The following ROBO1 variants were observed in gnomAD, a reference collection of about 807,000 sequenced individuals.
ROBO1 encodes roundabout guidance receptor 1.
Under a neutral mutation model 195.9 loss-of-function variants are expected in ROBO1, and 149 were observed. The observed-to-expected ratio is 0.76, with a 90% CI of 0.67 to 0.87. ROBO1 has a LOEUF of 0.87. Ranked by LOEUF, ROBO1 falls within the 40% of genes least tolerant of loss-of-function variation. The pLI, the probability that ROBO1 is intolerant of heterozygous loss-of-function variation, is 0.00. For missense variants in ROBO1, 1,933 were observed against 2,068.3 expected, an observed-to-expected ratio of 0.93 and a Z score of 1.27; for synonymous variants, 816 against 733.2, an observed-to-expected ratio of 1.11 and a Z score of -1.82.
intron 10 of ROBO1, 75 bp from the exon 11 acceptor site, chr3:78,670,376 G>A: frequency 7.9e-7 from 1 of 1,266,506 alleles, no homozygotes; most frequent in Non-Finnish European, 1.1e-6. Context: ...AACAGCAGTT[G>A]TTCTAGGCTT....
In ROBO1 at chr3:79,589,900, T is replaced by C. The variant is rs1251150333; in HGVS notation, c.12A>G (p.Lys4=). Residue 4 remains lysine (K), a synonymous_variant, in exon 2 of 31, where the codon AAA becomes AAG. Transcript: ENST00000464233. ...ATATCATGACCAAAAAAGGAACATG[T>C]TTCCATTTCATCTTTGTCCCTTCCT... MKW[K]HVPFLVMISL... is the part of the protein sequence containing the mutation. 1 of 1,610,240 alleles carries C rather than the reference T, an allele frequency of 6.2e-7. No homozygotes were observed. The highest frequency in any genetic ancestry group is 8.5e-7 in the Non-Finnish European group (1 of 1,177,256).
At chr3:79,322,692 C>A (rs1478568188) in intron 2 of ROBO1, among the ~76,000 whole-genome samples, 1 of 152,164 alleles carries the variant, frequency 6.6e-6, no homozygotes, top group Non-Finnish European at 1.5e-5. Context: ...GTTAGTTTGC[C>A]TATCAGCTTT....
chr3:79,466,714 C>G (rs1334089867), intron 2 of ROBO1, among the ~76,000 whole-genome samples: 1 of 152,072 alleles, frequency 6.6e-6, no homozygotes, highest in Non-Finnish European at 1.5e-5. Context: ...TGTATGCTAT[C>G]TTTCAGTGTT....
chr3:78,846,846 G>A (rs573245301), intron 4 of ROBO1, among the ~76,000 whole-genome samples: 1 of 152,204 alleles, frequency 6.6e-6, no homozygotes, highest in African/African-American at 2.4e-5. Flanking sequence ...TTCCAAAGAG[G>A]TTACTTACGT....
At chr3:79,756,192 C>G (rs76347632) in intron 1 of ROBO1, among the ~76,000 whole-genome samples, 69 of 152,210 alleles carry the variant, frequency 4.5e-4, no homozygotes, top group Middle Eastern at 6.8e-3. Flanking sequence ...GGTGAAGAGT[C>G]TATTATTCTA....
chr3:79,195,912 G>A (rs78038570), intron 2 of ROBO1, among the ~76,000 whole-genome samples: 20,397 of 151,178 alleles, frequency 0.13, 2,211 homozygotes, highest in African/African-American at 0.3. Flanking sequence ...GGAAAAGGAG[G>A]TTATAAAACA....
At chr3:78,771,324 T>C (rs112387041) in intron 4 of ROBO1, among the ~76,000 whole-genome samples, 134 of 152,290 alleles carry the variant, frequency 8.8e-4, no homozygotes, top group African/African-American at 2.8e-3. Flanking sequence ...TGAAGTCAGG[T>C]AATATGATGC....
intron 2 of ROBO1, among the ~76,000 whole-genome samples, chr3:79,418,412 A>G (rs1208020626): frequency 2.0e-5 from 3 of 152,152 alleles, no homozygotes; most frequent in Non-Finnish European, 4.4e-5. Flanking sequence ...GTGGCCTGAA[A>G]ATAATTTTGT....
At chr3:79,523,550 G>T (rs1370429285) in intron 2 of ROBO1, among the ~76,000 whole-genome samples, 1 of 138,724 alleles carries the variant, frequency 7.2e-6, no homozygotes, top group African/African-American at 2.7e-5. Flanking sequence ...TCAGCTTACT[G>T]CAACCTCCGC....
At chr3:79,404,056 A>G (rs2037458505) in intron 2 of ROBO1, among the ~76,000 whole-genome samples, 1 of 152,018 alleles carries the variant, frequency 6.6e-6, no homozygotes, top group African/African-American at 2.4e-5. Flanking sequence ...GCTTCTGTAG[A>G]GTTTTAACCT....
At chr3:79,595,690 C>G (rs1486754672) in intron 1 of ROBO1, among the ~76,000 whole-genome samples, 3 of 151,662 alleles carry the variant, frequency 2.0e-5, no homozygotes, top group Non-Finnish European at 4.4e-5. Context: ...AGGTGTGCAC[C>G]ACCACACTTG....
At chr3:79,219,715 C>T (rs1338346600) in intron 2 of ROBO1, among the ~76,000 whole-genome samples, 1 of 152,024 alleles carries the variant, frequency 6.6e-6, no homozygotes, top group Non-Finnish European at 1.5e-5. Flanking sequence ...ATGGGAATGA[C>T]CAAAATTGCA....
chr3:79,633,480 C>T (rs1405503639), intron 1 of ROBO1, among the ~76,000 whole-genome samples: 1 of 150,682 alleles, frequency 6.6e-6, no homozygotes. Flanking sequence ...GCTACCATGC[C>T]CAGCCTACAT....
intron 2 of ROBO1, among the ~76,000 whole-genome samples, chr3:79,365,072 C>T (rs2035918482): frequency 6.6e-6 from 1 of 152,158 alleles, no homozygotes; most frequent in East Asian, 1.9e-4. Flanking sequence ...CCCTCAATTT[C>T]CAAACATATT....
At chr3:79,264,041 C>A (rs1370739754) in intron 2 of ROBO1, among the ~76,000 whole-genome samples, 2 of 152,040 alleles carry the variant, frequency 1.3e-5, no homozygotes, top group African/African-American at 2.4e-5. Context: ...AAACACTTAA[C>A]CGGTGTGTAA....
At chr3:79,721,401 T>A (rs1576281977) in intron 1 of ROBO1, among the ~76,000 whole-genome samples, 1 of 152,176 alleles carries the variant, frequency 6.6e-6, no homozygotes, top group Admixed American at 6.5e-5. Flanking sequence ...CAGTCTCTTA[T>A]GATGAGTCCT....
chr3:79,551,980 TA>T (rs771824432), intron 2 of ROBO1, among the ~76,000 whole-genome samples: 575 of 44,202 alleles, frequency 0.013, 1 homozygote, highest in African/African-American at 0.034. Flanking sequence ...TCTACAGAGT[TA>T]AAAAAAAAAA....
chr3:79,529,586 CTG>C (rs1941568343), intron 2 of ROBO1, among the ~76,000 whole-genome samples: 1 of 152,308 alleles, frequency 6.6e-6, no homozygotes, highest in African/African-American at 2.4e-5. Context: ...CACTGCAACA[CTG>C]TGACAGCAGA....
chr3:79,308,595 C>A (rs1188462560), intron 2 of ROBO1, among the ~76,000 whole-genome samples: 1 of 151,844 alleles, frequency 6.6e-6, no homozygotes, highest in Non-Finnish European at 1.5e-5. Flanking sequence ...GTGAAAAGTT[C>A]TATTAAAAAA....
Sources: allele counts gnomAD v4.1 joint callset (sites outside exome capture counted in the v4.1 genomes callset), GRCh38; gene constraint gnomAD v4.1.1; transcripts MANE v1.5; gene names NCBI Gene and HGNC (gene_info 2026-07-23, HGNC 2026-07-21).